The following SORBS2 variants were observed in gnomAD, a reference collection of about 807,000 sequenced individuals.
SORBS2 encodes sorbin and SH3 domain-containing protein 2.
A neutral mutation model predicts 97.7 loss-of-function variants in SORBS2; 46 were observed. The ratio of observed to expected loss-of-function variants is 0.47; its 90% confidence interval spans 0.37 to 0.60. The LOEUF (loss-of-function observed/expected upper bound fraction) is 0.60, where lower values mean the gene tolerates loss of function less well. Among genes scored for constraint, SORBS2 ranks in the 20% least tolerant of loss-of-function variants. The pLI is 0.00. For synonymous variants in SORBS2, 476 were observed against 473.4 expected, an observed-to-expected ratio of 1.01 and a Z score of -0.07; for missense variants, 1,316 against 1,282.3, an observed-to-expected ratio of 1.03 and a Z score of -0.40.
chr4:185,921,535 A>C (rs1250835805), intron 1 of SORBS2, among the ~76,000 whole-genome samples: 3 of 152,332 alleles, frequency 2.0e-5, no homozygotes, highest in African/African-American at 7.2e-5. Flanking sequence ...GAGAAAAAAA[A>C]AGAAATGGAA....
chr4:185,638,733 G>A, intron 4 of SORBS2, 144 bp downstream of exon 14: 1 of 691,286 alleles, frequency 1.4e-6, no homozygotes, highest in Non-Finnish European at 2.2e-6. Flanking sequence ...GGGGCTCTCA[G>A]GGGCCTGTGG....
At position 185,587,621 on chromosome 4, in the gene SORBS2, C is replaced by A. The variant is rs1290657961; in HGVS notation, c.*6G>T. On this transcript the variant is annotated 3_prime_UTR_variant, in exon 15 of 15. Transcript: ENST00000418609. ...AGGCGGCCTCTACAGAAGGAGGGAGCGCAATTCACAGCCTCTTGACGTAGT... is the reference window on the plus strand; with the variant it reads ...AGGCGGCCTCTACAGAAGGAGGGAGAGCAATTCACAGCCTCTTGACGTAGT... 5 of 1,612,342 alleles carry A rather than the reference C, an allele frequency of 3.1e-6. No homozygotes were observed. In the Admixed American group the frequency reaches 8.4e-5, roughly 27 times the overall value.
chr4:185,732,557 A>G (rs1583646268), intron 2 of SORBS2, among the ~76,000 whole-genome samples: 1 of 152,224 alleles, frequency 6.6e-6, no homozygotes, highest in African/African-American at 2.4e-5. Context: ...CACAGACATT[A>G]GGCCCCCTCC....
At chr4:185,906,485 A>T (rs2099250911) in intron 1 of SORBS2, among the ~76,000 whole-genome samples, 1 of 152,252 alleles carries the variant, frequency 6.6e-6, no homozygotes, top group Non-Finnish European at 1.5e-5. Flanking sequence ...TACTTAAGAT[A>T]TTTGGGTCAA....
At chr4:185,618,507 C>T in intron 9 of SORBS2, 78 bp downstream of exon 21, 1 of 721,018 alleles carries the variant, frequency 1.4e-6, no homozygotes, top group South Asian at 3.2e-5. Context: ...ACAGATCCTA[C>T]TGCAATGCTT....
At chr4:185,799,570 G>T (rs1190554504) in intron 1 of SORBS2, among the ~76,000 whole-genome samples, 1 of 152,190 alleles carries the variant, frequency 6.6e-6, no homozygotes, top group Admixed American at 6.5e-5. Context: ...AGTGGCAGAA[G>T]CAGCCGCCCA....
intron 1 of SORBS2, among the ~76,000 whole-genome samples, chr4:185,837,225 A>T (rs2099208574): frequency 2.0e-5 from 3 of 152,144 alleles, no homozygotes; most frequent in African/African-American, 7.2e-5. Context: ...TTTACATCAA[A>T]CAGATCCTAT....
chr4:185,823,740 C>T (rs796359259), intron 1 of SORBS2, among the ~76,000 whole-genome samples: 5 of 152,182 alleles, frequency 3.3e-5, no homozygotes, highest in African/African-American at 1.2e-4. Flanking sequence ...ACATCACAGT[C>T]AGAGGAAAGA....
intron 12 of SORBS2, among the ~76,000 whole-genome samples, chr4:185,603,228 T>A (rs557721477): frequency 6.6e-6 from 1 of 151,870 alleles, no homozygotes; most frequent in East Asian, 1.9e-4. Flanking sequence ...TTGACTAAGC[T>A]TAAAAACCGA....
rs923214655 is a variant in SORBS2 at position 185,693,591 on chromosome 4, G to A, written c.-197-14769C>T. Among the ~76,000 whole-genome samples the A allele has an allele frequency of 2.2e-4, 33 of 152,126 alleles. 1 individual carries two copies. Among genetic ancestry groups the A allele is most frequent in the African/African-American group, 5.3e-4 (22 of 41,412 alleles). The stretch of plus-strand genomic sequence containing the variant: ...GATTATGAGGACCTTTCCCAAATTC[G>A]ACTTCTTCATTCCTTTTGAAACCAG... On this transcript the variant is annotated intron_variant, in intron 2 of 20. Transcript: ENST00000284776.
intron 4 of SORBS2, chr4:185,677,535 G>A (rs781313493): frequency 1.3e-6 from 2 of 1,550,024 alleles, no homozygotes; most frequent in African/African-American, 1.4e-5. Context: ...TGTACTGGAG[G>A]GAATTTGTGT....
chr4:185,624,559 A>T (rs2096777764), intron 6 of SORBS2, 65 bp from the exon 19 acceptor site: 1 of 1,491,348 alleles, frequency 6.7e-7, no homozygotes. Context: ...TCACAAAGAG[A>T]GGAGAGCATG....
chr4:185,729,740 A>G (rs1401854584), intron 2 of SORBS2, among the ~76,000 whole-genome samples: 2 of 152,210 alleles, frequency 1.3e-5, no homozygotes, highest in African/African-American at 4.8e-5. Context: ...TAGAATTATC[A>G]TGATCTACTT....
chr4:185,838,418 A>T (rs1392108383), intron 1 of SORBS2, among the ~76,000 whole-genome samples: 3 of 152,160 alleles, frequency 2.0e-5, no homozygotes, highest in African/African-American at 7.2e-5. Context: ...CAACTCACGG[A>T]TGCGCTGGTT....
intron 4 of SORBS2, among the ~76,000 whole-genome samples, chr4:185,640,263 CT>C (rs2097104797): frequency 6.6e-6 from 1 of 152,198 alleles, no homozygotes; most frequent in Non-Finnish European, 1.5e-5. Context: ...AAAACGGAAT[CT>C]AACCACGCAC....
intron 1 of SORBS2, among the ~76,000 whole-genome samples, chr4:185,797,757 C>A (rs543214433): frequency 6.6e-5 from 10 of 152,212 alleles, no homozygotes; most frequent in African/African-American, 2.4e-4. Flanking sequence ...GACTGCAAAG[C>A]TCTTCCATGC....
intron 1 of SORBS2, among the ~76,000 whole-genome samples, chr4:185,951,619 A>T (rs1399917939): frequency 6.6e-6 from 1 of 152,232 alleles, no homozygotes; most frequent in East Asian, 1.9e-4. Flanking sequence ...TTGGGCATAA[A>T]CACAGTTCCC....
chr4:185,709,792 A>C (rs904451), intron 2 of SORBS2: 111,237 of 151,814 alleles, frequency 0.73, 42,084 homozygotes, highest in Non-Finnish European at 0.84. Context: ...TTCATCTGAC[A>C]TTGAATCTAG....
At chr4:185,806,434 CTATT>C (rs2099154060) in intron 1 of SORBS2, among the ~76,000 whole-genome samples, 3 of 108,110 alleles carry the variant, frequency 2.8e-5, no homozygotes, top group African/African-American at 7.3e-5. Context: ...GGCTAGAATC[CTATT>C]TTTTTTTTTT....
Sources: gnomAD v4.1 joint callset for allele counts (sites outside exome capture counted in the v4.1 genomes callset) on GRCh38, gnomAD v4.1.1 for gene constraint, MANE v1.5 for transcripts, NCBI Gene and HGNC (gene_info 2026-07-23, HGNC 2026-07-21) for gene names.